The following ANKFN1 variants were observed in gnomAD, a reference collection of about 807,000 sequenced individuals.
ANKFN1 encodes ankyrin repeat and fibronectin type-III domain-containing protein 1.
ANKFN1 carries 74 observed loss-of-function variants against 108.7 expected under a neutral mutation model. The ratio of observed to expected loss-of-function variants is 0.68; its 90% CI spans 0.56 to 0.83. The LOEUF (loss-of-function observed/expected upper bound fraction) is 0.83. Ranked by LOEUF, ANKFN1 falls within the 40% of genes least tolerant of loss-of-function variation. ANKFN1 has a pLI of 0.00. For missense variants in ANKFN1, 1,505 were observed against 1,382.3 expected, an observed-to-expected ratio of 1.09 and a Z score of -1.41; for synonymous variants, 547 against 516.2, an observed-to-expected ratio of 1.06 and a Z score of -0.81.
At chr17:56,295,948 G>C (rs906092540) in intron 3 of ANKFN1, among the ~76,000 whole-genome samples, 1 of 152,202 alleles carries the variant, frequency 6.6e-6, no homozygotes, top group East Asian at 1.9e-4. Context: ...TAACACTGTT[G>C]CACTGGGGAT....
At chr17:56,280,008 C>CTTTTTTTTTT (rs3086033) in intron 3 of ANKFN1, among the ~76,000 whole-genome samples, 1,956 of 134,478 alleles carry the variant, frequency 0.015, 84 homozygotes, top group African/African-American at 0.056. Context: ...CACATAATGT[C>CTTTTTTTTTT]TTTTTTTTTT....
chr17:56,172,607 C>A (rs987272455), intron 1 of ANKFN1, among the ~76,000 whole-genome samples: 3 of 152,072 alleles, frequency 2.0e-5, no homozygotes, highest in African/African-American at 7.2e-5. Flanking sequence ...ATGGGAGGTG[C>A]CAACTCAGAG....
chr17:56,485,702 C>A (rs9901739), intron 18 of ANKFN1, among the ~76,000 whole-genome samples: 80,330 of 152,082 alleles, frequency 0.53, 24,766 homozygotes, highest in East Asian at 0.87. Context: ...TTTCCAAATT[C>A]ATTTGACGAT....
intron 3 of ANKFN1, among the ~76,000 whole-genome samples, chr17:56,263,163 G>A (rs187605896): frequency 1.3e-5 from 2 of 152,194 alleles, no homozygotes; most frequent in East Asian, 1.9e-4. Flanking sequence ...ACATAAGATC[G>A]ATTGGCCATC....
intron 8 of ANKFN1, among the ~76,000 whole-genome samples, chr17:56,391,352 A>C (rs933290145): frequency 7.6e-6 from 1 of 131,328 alleles, no homozygotes; most frequent in East Asian, 2.2e-4. Flanking sequence ...TTGAAGGCCC[A>C]AGAATACATA....
rs183215885 is a variant in ANKFN1 at position 56,276,327 on chromosome 17, T to C, written c.53+48370T>C. 2.0e-4 allele frequency among the ~76,000 whole-genome samples: 31 copies of C among 152,298 alleles called. No individual in the cohort carries two copies. In the East Asian group the frequency reaches 2.9e-3, roughly 14 times the overall value. On this transcript the variant is annotated intron_variant, in intron 3 of 20. Coordinates refer to ENST00000682825, the MANE Select transcript of ANKFN1 (RefSeq NM_001370326.1). ...TAGTGCTGCAATAGACATACACGTC[T>C]TTATAGTAGCATGATTGATAATCCT...
chr17:56,296,686 AAAACAAAC>A (rs1027303153), intron 3 of ANKFN1, among the ~76,000 whole-genome samples: 1 of 152,148 alleles, frequency 6.6e-6, no homozygotes, highest in Non-Finnish European at 1.5e-5. Context: ...TCCGTCTCAA[AAAACAAAC>A]AAACAAACAA....
At chr17:56,487,075 A>G (rs2050879118) in intron 18 of ANKFN1, among the ~76,000 whole-genome samples, 1 of 152,206 alleles carries the variant, frequency 6.6e-6, no homozygotes, top group African/African-American at 2.4e-5. Flanking sequence ...TAGCAAACCC[A>G]CAGGCTATTC....
intron 4 of ANKFN1, among the ~76,000 whole-genome samples, chr17:56,066,159 A>G (rs1028928689): frequency 1.3e-5 from 2 of 152,196 alleles, no homozygotes; most frequent in Non-Finnish European, 2.9e-5. Flanking sequence ...TAGATCACCC[A>G]TGCATGGTGC....
intron 8 of ANKFN1, among the ~76,000 whole-genome samples, chr17:56,381,122 C>T (rs188390787): frequency 7.2e-5 from 11 of 152,282 alleles, no homozygotes; most frequent in Admixed American, 7.2e-4. Flanking sequence ...GCAGCATTCG[C>T]AGTTCACAAA....
chr17:56,434,256 A>G (rs1162931013), intron 8 of ANKFN1, among the ~76,000 whole-genome samples: 1 of 152,152 alleles, frequency 6.6e-6, no homozygotes, highest in East Asian at 1.9e-4. Flanking sequence ...ATATATGTAG[A>G]GAAGCACATA....
At chr17:56,380,971 G>A (rs2047084704) in intron 8 of ANKFN1, among the ~76,000 whole-genome samples, 1 of 152,214 alleles carries the variant, frequency 6.6e-6, no homozygotes, top group Non-Finnish European at 1.5e-5. Flanking sequence ...CTGAGAACGG[G>A]CAGACTGCCT....
intron 3 of ANKFN1, among the ~76,000 whole-genome samples, chr17:56,292,672 C>A (rs2044395087): frequency 6.6e-6 from 1 of 152,064 alleles, no homozygotes; most frequent in African/African-American, 2.4e-5. Context: ...CCTTAAGCAA[C>A]TGGGAAGTGA....
At position 56,144,956 on chromosome 17, in the gene ANKFN1, A is replaced by G. The variant is rs916346319; in HGVS notation, c.289-82961A>G. 3.6e-4 allele frequency among the ~76,000 whole-genome samples: 54 copies of G among 151,846 alleles called. 1 individual carries two copies. Among genetic ancestry groups the G allele is most frequent in the African/African-American group, 1.2e-3 (48 of 41,396 alleles). ...TTACCCTTTTTTTTTTCTAAAAACC[A>G]CAAGAGTGTTAGGTGATTTTTCCCT... On this transcript the variant is annotated intron_variant, in intron 4 of 12. Transcript: ENST00000635860.
rs140555790 is a variant in ANKFN1, at chr17:56,153,946, T to G, written c.-71+416T>G. 2.7e-3 allele frequency among the ~76,000 whole-genome samples: 408 copies of G among 152,330 alleles called. 2 individuals carry two copies. Among genetic ancestry groups the G allele is most frequent in the African/African-American group, 9.0e-3 (376 of 41,566 alleles). ...ACGCTCTCACTGTCTCCCACATGGA[T>G]TCTCTCCTTCTCTCTCTCTCACTTT... On this transcript the variant is annotated intron_variant, in intron 1 of 20. Transcript: ENST00000682825.
At chr17:56,049,714 C>A (rs1400908022) in intron 4 of ANKFN1, among the ~76,000 whole-genome samples, 1 of 149,562 alleles carries the variant, frequency 6.7e-6, no homozygotes, top group South Asian at 2.2e-4. Flanking sequence ...CTACAAAGGA[C>A]ATGAACTCAT....
At chr17:56,315,257 C>T (rs776077260) in intron 3 of ANKFN1, among the ~76,000 whole-genome samples, 4 of 152,138 alleles carry the variant, frequency 2.6e-5, no homozygotes, top group Non-Finnish European at 5.9e-5. Flanking sequence ...CTCTCTCTTT[C>T]TTTAAGAATT....
At chr17:56,157,345 C>G (rs1909209899) in intron 1 of ANKFN1, among the ~76,000 whole-genome samples, 1 of 152,200 alleles carries the variant, frequency 6.6e-6, no homozygotes, top group Admixed American at 6.5e-5. Flanking sequence ...TATCTGACCA[C>G]CACAACTTGA....
intron 1 of ANKFN1, among the ~76,000 whole-genome samples, chr17:56,181,847 G>GA (rs145187577): frequency 2.0e-5 from 3 of 152,218 alleles, no homozygotes; most frequent in Non-Finnish European, 4.4e-5. Flanking sequence ...ACCCTGCAGT[G>GA]AGCCTATGGG....
Sources: allele counts gnomAD v4.1 joint callset (sites outside exome capture counted in the v4.1 genomes callset), GRCh38; gene constraint gnomAD v4.1.1; transcripts MANE v1.5; gene names NCBI Gene and HGNC (gene_info 2026-07-23, HGNC 2026-07-21).